The following PDE4B variants were observed in gnomAD, a reference collection of about 807,000 sequenced individuals.
PDE4B encodes 3',5'-cyclic-AMP phosphodiesterase 4B.
PDE4B carries 20 observed loss-of-function variants against 82.2 expected under a neutral mutation model. The observed-to-expected ratio is 0.24, with a 90% CI of 0.17 to 0.35. The LOEUF is 0.35. PDE4B is among the 10% of genes least tolerant of loss of function. The pLI is 1.00. For synonymous variants in PDE4B, 320 were observed against 318.9 expected (o/e 1.00, Z -0.04); for missense variants, 655 against 907.2 (o/e 0.72, Z 3.57).
chr1:66,101,411 T>C (rs767533727), intron 3 of PDE4B, among the ~76,000 whole-genome samples: 3 of 152,178 alleles, frequency 2.0e-5, no homozygotes, highest in Non-Finnish European at 4.4e-5. Context: ...CACCACACTG[T>C]CTTCCACAAT....
intron 3 of PDE4B, among the ~76,000 whole-genome samples, chr1:65,980,012 C>T (rs1451786617): frequency 6.6e-6 from 1 of 151,970 alleles, no homozygotes; most frequent in Non-Finnish European, 1.5e-5. Context: ...CAGAAGAGAA[C>T]CATAGAAAGA....
chr1:66,094,536 T>G (rs1167795371), intron 3 of PDE4B: 1 of 152,048 alleles, frequency 6.6e-6, no homozygotes, highest in East Asian at 1.9e-4. Flanking sequence ...ATATTGCTAC[T>G]GTGCAAAGCT....
chr1:66,093,019 A>T (rs1412153530), intron 3 of PDE4B, among the ~76,000 whole-genome samples: 2 of 152,118 alleles, frequency 1.3e-5, no homozygotes, highest in Non-Finnish European at 2.9e-5. Context: ...AAATGTATTT[A>T]AAAAATCACC....
chr1:66,206,077 G>C (rs887614808), intron 3 of PDE4B, among the ~76,000 whole-genome samples: 1 of 152,222 alleles, frequency 6.6e-6, no homozygotes, highest in Non-Finnish European at 1.5e-5. Flanking sequence ...GGCGATGGAA[G>C]TGTGGCTTCC....
At chr1:66,017,724 C>G (rs982150920) in intron 3 of PDE4B, among the ~76,000 whole-genome samples, 1 of 152,146 alleles carries the variant, frequency 6.6e-6, no homozygotes, top group Admixed American at 6.5e-5. Flanking sequence ...CCATGCATGT[C>G]TTGAGATTAG....
chr1:65,831,381 G>C (rs1458654321), intron 1 of PDE4B, among the ~76,000 whole-genome samples: 2 of 152,118 alleles, frequency 1.3e-5, no homozygotes, highest in Non-Finnish European at 2.9e-5. Flanking sequence ...AACATTGATA[G>C]AATAGTAAGG....
At chr1:66,348,985 T>A (rs974467810) in intron 8 of PDE4B, among the ~76,000 whole-genome samples, 1 of 152,110 alleles carries the variant, frequency 6.6e-6, no homozygotes, top group Non-Finnish European at 1.5e-5. Flanking sequence ...TTTTTAGTGT[T>A]CCAATAATGT....
At chr1:65,920,768 G>C (rs72916418) in intron 3 of PDE4B, among the ~76,000 whole-genome samples, 1 of 151,574 alleles carries the variant, frequency 6.6e-6, no homozygotes, top group African/African-American at 2.4e-5. Flanking sequence ...CATTCTTGGC[G>C]TCAGTATTTT....
intron 7 of PDE4B, among the ~76,000 whole-genome samples, chr1:66,316,718 A>G (rs1357903357): frequency 6.6e-6 from 1 of 152,258 alleles, no homozygotes; most frequent in Non-Finnish European, 1.5e-5. Flanking sequence ...TAGACACTGC[A>G]TTAGAAAGGA....
chr1:65,871,469 T>C (rs1646572388), intron 1 of PDE4B, among the ~76,000 whole-genome samples: 1 of 152,242 alleles, frequency 6.6e-6, no homozygotes, highest in Admixed American at 6.5e-5. Context: ...CTTATTCAAC[T>C]TCTCGAAGCC....
chr1:66,366,865 G>A lies in PDE4B; in HGVS notation c.1385-831G>A, dbSNP rs577761934. Among the ~76,000 whole-genome samples the A allele has an allele frequency of 5.6e-3, 850 of 152,334 alleles. 8 individuals carry two copies. The highest frequency in any genetic ancestry group is 0.019 in the African/African-American group (795 of 41,570). Reference sequence around the variant, plus strand: ...AAAACAAGAGTACTCATTGGAGGTTGTAACTAAGAGCACACTGTTAAAGCA... The same window carrying A: ...AAAACAAGAGTACTCATTGGAGGTTATAACTAAGAGCACACTGTTAAAGCA... On this transcript the variant is annotated intron_variant, in intron 13 of 16. Coordinates refer to ENST00000341517, the MANE Select transcript of PDE4B (RefSeq NM_002600.4).
chr1:66,190,087 A>G (rs1425489301), intron 3 of PDE4B, among the ~76,000 whole-genome samples: 1 of 152,118 alleles, frequency 6.6e-6, no homozygotes, highest in East Asian at 1.9e-4. Flanking sequence ...GTTGGAGTTT[A>G]CTGGAGGTCC....
intron 3 of PDE4B, among the ~76,000 whole-genome samples, chr1:66,114,394 C>T (rs1645550075): frequency 6.6e-6 from 1 of 152,054 alleles, no homozygotes; most frequent in South Asian, 2.1e-4. Context: ...GTTCTGCAGC[C>T]AGCAAGAGAT....
chr1:66,208,931 C>G (rs1322291164), intron 3 of PDE4B, among the ~76,000 whole-genome samples: 1 of 152,120 alleles, frequency 6.6e-6, no homozygotes, highest in East Asian at 1.9e-4. Context: ...GATGTGTATG[C>G]CCAAATTTCT....
At chr1:65,946,251 T>G (rs1239353911) in intron 3 of PDE4B, among the ~76,000 whole-genome samples, 1 of 152,018 alleles carries the variant, frequency 6.6e-6, no homozygotes, top group Non-Finnish European at 1.5e-5. Flanking sequence ...AGTTTGACCC[T>G]GGGCACATCC....
chr1:65,940,801 G>C (rs1648404111), intron 3 of PDE4B, among the ~76,000 whole-genome samples: 1 of 151,980 alleles, frequency 6.6e-6, no homozygotes, highest in Non-Finnish European at 1.5e-5. Flanking sequence ...ATGGCTATAG[G>C]AAATTAGGTG....
chr1:66,063,730 T>C (rs1655698640), intron 3 of PDE4B, among the ~76,000 whole-genome samples: 1 of 152,030 alleles, frequency 6.6e-6, no homozygotes, highest in Admixed American at 6.6e-5. Context: ...TTAATTAACA[T>C]TGGGTAAAAT....
chr1:66,230,557 G>T (rs1002015529), intron 3 of PDE4B, among the ~76,000 whole-genome samples: 1 of 152,168 alleles, frequency 6.6e-6, no homozygotes, highest in South Asian at 2.1e-4. Flanking sequence ...TGAAAGTTTT[G>T]TGACATTTTC....
chr1:66,248,260 A>C (rs1385089001), intron 4 of PDE4B, among the ~76,000 whole-genome samples: 7 of 152,376 alleles, frequency 4.6e-5, no homozygotes, highest in Admixed American at 2.6e-4. Flanking sequence ...AATTTTATTT[A>C]AAGAACAAGA....
Sources: allele counts gnomAD v4.1 joint callset (sites outside exome capture counted in the v4.1 genomes callset), GRCh38; gene constraint gnomAD v4.1.1; transcripts MANE v1.5; gene names NCBI Gene and HGNC (gene_info 2026-07-23, HGNC 2026-07-21).